Variants in RO60 observed in about 807,000 individuals in gnomAD.
RO60 encodes the protein RNA-binding protein RO60.
In RO60, 20 loss-of-function variants were observed where a neutral mutation model predicts 55.3. The ratio of observed to expected loss-of-function variants is 0.36; its 90% CI spans 0.25 to 0.53. The LOEUF (loss-of-function observed/expected upper bound fraction) is 0.53, where lower values mean the gene tolerates loss of function less well. Among genes scored for constraint, RO60 ranks in the 20% least tolerant of loss-of-function variants. The probability of loss-of-function intolerance (pLI) is 0.92; values close to 1 mark genes in which losing one functional copy is unlikely to be tolerated. For missense variants in RO60, 558 were observed against 646.6 expected, an observed-to-expected ratio of 0.86 and a Z score of 1.49; for synonymous variants, 213 against 213.6, an observed-to-expected ratio of 1.00 and a Z score of 0.02.
At position 193,082,617 on chromosome 1, in the gene RO60, A is replaced by G. The variant is rs760418711; in HGVS notation, c.1373A>G (p.Asn458Ser). ...SLPMIWAQKTNTPADVFIVFT... is the reference protein window; with the variant it reads ...SLPMIWAQKTSTPADVFIVFT... ...CCAATGATCTGGGCTCAGAAGACAA[A>G]CACACCTGCTGATGTCTTCATTGTA... Residue 458 changes from asparagine (N) to serine (S), a missense_variant, in exon 8 of 9, where the codon AAC becomes AGC. Transcript: ENST00000400968. The G allele has an allele frequency of 1.3e-5, 21 of 1,613,814 alleles. No homozygotes were observed. Among genetic ancestry groups the G allele is most frequent in the Non-Finnish European group, 1.6e-5 (19 of 1,179,932 alleles).
chr1:193,084,058 C>G (rs1674495803), intron 8 of RO60, among the ~76,000 whole-genome samples: 1 of 152,206 alleles, frequency 6.6e-6, no homozygotes, highest in Non-Finnish European at 1.5e-5. Flanking sequence ...TGTAGTTTCT[C>G]ATGTGTATAC....
chr1:193,059,696 C>A lies in RO60; in HGVS notation c.-102C>A. On this transcript the variant is annotated 5_prime_UTR_variant, in exon 1 of 9. Transcript: ENST00000400968. The surrounding 1 kb of genome is among the most constrained non-coding windows in gnomAD (Gnocchi z 4.9). ...GTGGCTGTCGCTGCCCGTCAGGCTG[C>A]CTTCTTTTGTCGTTTCCCAGCGCTG... 2.2e-6 allele frequency: 3 copies of A among 1,358,702 alleles called. No individual in the cohort carries two copies. Among genetic ancestry groups the A allele is most frequent in the Non-Finnish European group, 2.9e-6 (3 of 1,019,670 alleles). The allele number at this position is 1,358,702 out of a possible 1,614,324, so 84.2% of individuals were successfully genotyped here. A position where few individuals can be genotyped will look rare whatever the true frequency, so the allele number is the denominator to read the frequency against.
downstream of RO60, chr1:193,091,676 A>T (rs1300913684): frequency 6.2e-7 from 1 of 1,611,704 alleles, no homozygotes; most frequent in East Asian, 2.2e-5. Flanking sequence ...TACTAAATAA[A>T]TCATTTTAGA....
At position 193,081,448 on chromosome 1, in the gene RO60, A is replaced by G. The variant is rs375383409; in HGVS notation, c.1171A>G (p.Asn391Asp). 5.3e-5 allele frequency: 85 copies of G among 1,610,734 alleles called. No individual in the cohort carries two copies. Among genetic ancestry groups the G allele is most frequent in the Non-Finnish European group, 7.0e-5 (82 of 1,178,032 alleles). ...MNQRVLGSIL[N>D]ASTVAAAMCM... The stretch of plus-strand genomic sequence containing the variant: ...CCAAAGAGTTTTGGGTAGTATACTC[A>G]ACGCTAGTACAGTTGCTGCAGCAAT... Residue 391 changes from asparagine to aspartate, a missense_variant, in exon 6 of 9, where the codon AAC (asparagine) becomes GAC (aspartate). By Grantham distance (23) the Asn-to-Asp change is conservative (BLOSUM62 1). Transcript: ENST00000400968.
In RO60 at chr1:193,090,551, A is replaced by G. The variant is rs991638374; in HGVS notation, c.*5820A>G. Reference sequence around the variant, plus strand: ...GATAATGAAATTTTCCAAAGGGATGAGATATAAGAATCATCTTTTATAAAA... The same window carrying G: ...GATAATGAAATTTTCCAAAGGGATGGGATATAAGAATCATCTTTTATAAAA... On this transcript the variant is annotated 3_prime_UTR_variant, in exon 9 of 9. Coordinates refer to ENST00000400968, the MANE Select transcript of RO60 (RefSeq NM_001173524.2). 5 of 151,802 alleles carry G rather than the reference A, an allele frequency of 3.3e-5. No individual in the cohort carries two copies. Among genetic ancestry groups the G allele is most frequent in the African/African-American group, 1.2e-4 (5 of 41,304 alleles). 9.4% of individuals were successfully genotyped at this position (151,802 alleles called of 1,614,324 possible). A position where few individuals can be genotyped will look rare whatever the true frequency, so the allele number is the denominator to read the frequency against.
At chr1:193,064,457 T>C (rs542331513) in intron 1 of RO60, among the ~76,000 whole-genome samples, 2 of 152,228 alleles carry the variant, frequency 1.3e-5, no homozygotes, top group African/African-American at 4.8e-5. Context: ...CTCTCTCTTA[T>C]AAGATGCCAC....
chr1:193,075,064 C>T (rs1351328902), intron 2 of RO60, among the ~76,000 whole-genome samples: 1 of 152,086 alleles, frequency 6.6e-6, no homozygotes, highest in African/African-American at 2.4e-5. Flanking sequence ...CCTGGCCTCA[C>T]CGTGGTGGTT....
intron 6 of RO60, 75 bp from the exon 7 acceptor site, chr1:193,082,111 A>T: frequency 1.1e-6 from 1 of 892,804 alleles, no homozygotes; most frequent in Non-Finnish European, 1.9e-6. Context: ...TCTTTTAAAC[A>T]TGAAGTTGGA....
At chr1:193,071,866 GTATA>G (rs1348712879) in intron 2 of RO60, among the ~76,000 whole-genome samples, 1 of 148,142 alleles carries the variant, frequency 6.8e-6, no homozygotes, top group Non-Finnish European at 1.5e-5. Flanking sequence ...TTATATGTAT[GTATA>G]TATAATATAT....
rs982501802 is a variant in RO60, at chr1:193,069,641, A to G, written c.580+7A>G. On this transcript the variant is annotated splice_region_variant and intron_variant, in intron 2 of 8. Coordinates refer to ENST00000400968, the MANE Select transcript of RO60 (RefSeq NM_001173524.2). ...CTTAAACCTTCCAGTGAAGGTAAGCATAAGATCTTCATTGGGAAGAAGGGT... is the reference window on the plus strand; with the variant it reads ...CTTAAACCTTCCAGTGAAGGTAAGCGTAAGATCTTCATTGGGAAGAAGGGT... The G allele has an allele frequency of 3.1e-6, 5 of 1,593,150 alleles. No individual in the cohort carries two copies. Among genetic ancestry groups the G allele is most frequent in the Non-Finnish European group, 4.3e-6 (5 of 1,165,380 alleles).
Position 193,081,374 on chromosome 1 carries a change from C to T in RO60, c.1097C>T (p.Pro366Leu), listed in dbSNP as rs754695505. 1 of 1,598,422 alleles carries T rather than the reference C, an allele frequency of 6.3e-7. No individual in the cohort carries two copies. Among genetic ancestry groups the T allele is most frequent in the Non-Finnish European group, 8.6e-7 (1 of 1,169,046 alleles). ...AFYKTFKTVE[P>L]TGKRFLLAVD... ...TTGTTTTCTCTGTAGACAGTTGAACCAACTGGAAAACGTTTCTTACTAGCT... is the reference window on the plus strand; with the variant it reads ...TTGTTTTCTCTGTAGACAGTTGAACTAACTGGAAAACGTTTCTTACTAGCT... Residue 366 changes from proline (P) to leucine (L), a missense_variant, in exon 6 of 9, where the codon CCA (proline) becomes CTA (leucine). Coordinates refer to ENST00000400968, the MANE Select transcript of RO60 (RefSeq NM_001173524.2).
chr1:193,075,714 C>G, intron 2 of RO60, 106 bp from the exon 3 acceptor site: 1 of 801,232 alleles, frequency 1.2e-6, no homozygotes, highest in East Asian at 2.6e-5. Flanking sequence ...GGCATTAACT[C>G]TTGTGTATCC....
At chr1:193,062,735 A>G (rs1672863571) in intron 1 of RO60, among the ~76,000 whole-genome samples, 2 of 152,198 alleles carry the variant, frequency 1.3e-5, no homozygotes, top group East Asian at 3.8e-4. Flanking sequence ...TTTTATTTCT[A>G]TGAATTTACC....
At chr1:193,066,575 A>G (rs578156402) in intron 1 of RO60, among the ~76,000 whole-genome samples, 5 of 152,318 alleles carry the variant, frequency 3.3e-5, no homozygotes, top group East Asian at 3.9e-4. Context: ...CTTGTAGTCC[A>G]TGATACTATT....
rs1262914490 is a variant in RO60 at position 193,086,597 on chromosome 1, A to T, written c.*1866A>T. 2.0e-5 allele frequency: 3 copies of T among 152,214 alleles called. No individual in the cohort carries two copies. Among genetic ancestry groups the T allele is most frequent in the African/African-American group, 7.2e-5 (3 of 41,476 alleles). The allele number at this position is 152,214 out of a possible 1,614,324, so 9.4% of individuals were successfully genotyped here. A position where few individuals can be genotyped will look rare whatever the true frequency, so the allele number is the denominator to read the frequency against. On this transcript the variant is annotated 3_prime_UTR_variant, in exon 9 of 9. Transcript: ENST00000400968. ...TTTAAGTAAACCCAAGATCTTAAAA[A>T]TTATAACATGATCATTTTATTCCTA... is the stretch of plus-strand genomic sequence containing the variant.
Position 193,075,932 on chromosome 1 carries a change from T to C in RO60, c.693T>C (p.Ala231=). 6.2e-7 allele frequency: 1 copy of C among 1,613,334 alleles called. No homozygotes were observed. ...ETEKLLKYLE[A]VEKVKRTRDE... ...AAAAATTATTAAAGTATCTGGAGGC[T>C]GTAGAGAAAGTGAAGCGCACAAGAG... Residue 231 remains alanine (A), a synonymous_variant, in exon 3 of 9, where the codon GCT becomes GCC. Transcript: ENST00000400968.
chr1:193,059,658 T>C lies in RO60; in HGVS notation c.-140T>C, dbSNP rs776074192. ...CTGGAATCCCCGGCGGCAGTGGGGC[T>C]GTTGCTGTTGCTGTGGCTGTCGCTG... On this transcript the variant is annotated 5_prime_UTR_variant, in exon 1 of 9. Coordinates refer to ENST00000400968, the MANE Select transcript of RO60 (RefSeq NM_001173524.2). The surrounding 1 kb of genome is among the most constrained non-coding windows in gnomAD (Gnocchi z 4.9). 6.5e-6 allele frequency: 9 copies of C among 1,377,676 alleles called. No homozygotes were observed. The highest frequency in any genetic ancestry group is 3.9e-5 in the Admixed American group (2 of 51,490). The allele number at this position is 1,377,676 out of a possible 1,614,324, so 85.3% of individuals were successfully genotyped here.
At chr1:193,063,021 CAT>C (rs1672883607) in intron 1 of RO60, among the ~76,000 whole-genome samples, 1 of 152,116 alleles carries the variant, frequency 6.6e-6, no homozygotes, top group African/African-American at 2.4e-5. Flanking sequence ...GGTTTAGATA[CAT>C]GTATTCATTT....
chr1:193,076,688 A>T (rs1199993401), intron 4 of RO60, 41 bp downstream of exon 4: 5 of 1,532,290 alleles, frequency 3.3e-6, no homozygotes, highest in Non-Finnish European at 4.4e-6. Flanking sequence ...CTACTAACTG[A>T]GAAAGTGGCT....
Sources: gnomAD v4.1 joint callset for allele counts (sites outside exome capture counted in the v4.1 genomes callset) on GRCh38, gnomAD v4.1.1 for gene constraint, Gnocchi (gnomAD v3.1) non-coding constraint, MANE v1.5 for transcripts, NCBI Gene and HGNC (gene_info 2026-07-23, HGNC 2026-07-21) for gene names.